ULK4: variants seen among roughly 807,000 people sequenced by gnomAD.
ULK4 encodes unc-51 like kinase 4, also known as inactive serine/threonine-protein kinase ULK4.
Under a neutral mutation model 160.6 loss-of-function variants are expected in ULK4, and 133 were observed. The observed-to-expected ratio is 0.83, with a 90% confidence interval of 0.72 to 0.96. The LOEUF (loss-of-function observed/expected upper bound fraction) is 0.96. Ranked by LOEUF, ULK4 falls within the 40% of genes least tolerant of loss-of-function variation. ULK4 has a pLI of 0.00. For missense variants in ULK4, 1,580 were observed against 1,499.5 expected, an observed-to-expected ratio of 1.05 and a Z score of -0.89; for synonymous variants, 534 against 539.8, an observed-to-expected ratio of 0.99 and a Z score of 0.15.
chr3:41,684,608 T>C (rs1252897459), intron 27 of ULK4, among the ~76,000 whole-genome samples: 1 of 152,090 alleles, frequency 6.6e-6, no homozygotes, highest in Non-Finnish European at 1.5e-5. Context: ...TGGGGATGAG[T>C]TCTGTCTTAA....
chr3:41,928,748 A>G (rs979933317), intron 5 of ULK4, among the ~76,000 whole-genome samples: 2 of 152,198 alleles, frequency 1.3e-5, no homozygotes, highest in Non-Finnish European at 2.9e-5. Flanking sequence ...GAAGAAATGG[A>G]TAAATTCCTG....
At chr3:41,288,623 G>T (rs1240070677) in intron 35 of ULK4, among the ~76,000 whole-genome samples, 1 of 152,140 alleles carries the variant, frequency 6.6e-6, no homozygotes, top group Non-Finnish European at 1.5e-5. Context: ...TATACAGCTG[G>T]ATTCTTCTAG....
chr3:41,556,299 T>G (rs1331311831), intron 32 of ULK4, among the ~76,000 whole-genome samples: 1 of 152,096 alleles, frequency 6.6e-6, no homozygotes, highest in Non-Finnish European at 1.5e-5. Context: ...AAAACAGAAT[T>G]GAAAGTGTGT....
At chr3:41,757,710 T>A (rs370901181) in intron 21 of ULK4, among the ~76,000 whole-genome samples, 1 of 150,136 alleles carries the variant, frequency 6.7e-6, no homozygotes, top group Non-Finnish European at 1.5e-5. Context: ...CTCGGCTCAC[T>A]GTAACCTCCC....
At chr3:41,484,606 C>T (rs954957894) in intron 32 of ULK4, among the ~76,000 whole-genome samples, 3 of 152,048 alleles carry the variant, frequency 2.0e-5, no homozygotes, top group African/African-American at 7.2e-5. Flanking sequence ...GCGCCCGCCA[C>T]CACACCCGGC....
intron 18 of ULK4, among the ~76,000 whole-genome samples, chr3:41,829,145 T>C (rs2041479263): frequency 1.3e-5 from 2 of 150,714 alleles, no homozygotes; most frequent in Admixed American, 1.3e-4. Flanking sequence ...AAAAATTAAT[T>C]CAAGATGGAT....
intron 17 of ULK4, chr3:41,859,459 C>A (rs2625667): frequency 0.22 from 123,538 of 552,562 alleles, 19,827 homozygotes; most frequent in African/African-American, 0.66. Context: ...ATAGCAGAAA[C>A]CTGGACAGGT....
intron 31 of ULK4, among the ~76,000 whole-genome samples, chr3:41,585,491 T>C (rs2030723704): frequency 6.6e-6 from 1 of 152,180 alleles, no homozygotes; most frequent in African/African-American, 2.4e-5. Flanking sequence ...GTTGAACTTT[T>C]ACCTTATACC....
chr3:41,843,911 T>A (rs1162649137), intron 17 of ULK4, among the ~76,000 whole-genome samples: 1 of 152,016 alleles, frequency 6.6e-6, no homozygotes, highest in African/African-American at 2.4e-5. Flanking sequence ...ACGTCCCCAC[T>A]AGATTAGCTA....
At chr3:41,710,124 G>T (rs1357543200) in intron 25 of ULK4, among the ~76,000 whole-genome samples, 1 of 151,846 alleles carries the variant, frequency 6.6e-6, no homozygotes, top group East Asian at 1.9e-4. Context: ...TATAAATAAA[G>T]CTTGTCTAAA....
intron 30 of ULK4, among the ~76,000 whole-genome samples, chr3:41,659,104 AT>A (rs996016684): frequency 1.3e-5 from 2 of 152,152 alleles, no homozygotes; most frequent in African/African-American, 4.8e-5. Flanking sequence ...AAACCTGTTT[AT>A]TTATTTATTT....
At chr3:41,939,594 C>G (rs1699887267) in intron 2 of ULK4, among the ~76,000 whole-genome samples, 1 of 151,940 alleles carries the variant, frequency 6.6e-6, no homozygotes, top group Admixed American at 6.6e-5. Context: ...ATTCTACAAT[C>G]TACTTTTAAA....
intron 35 of ULK4, among the ~76,000 whole-genome samples, chr3:41,352,676 C>T (rs532639693): frequency 6.6e-6 from 1 of 152,174 alleles, no homozygotes; most frequent in East Asian, 1.9e-4. Context: ...CCAGGACAGT[C>T]ACTTTTTGAT....
rs1175438495 is a variant in ULK4 at position 41,911,666 on chromosome 3, T to C, written c.897-7A>G. On this transcript the variant is annotated splice_polypyrimidine_tract_variant and splice_region_variant and intron_variant, in intron 9 of 36. Transcript: ENST00000301831. Reference sequence around the variant, plus strand: ...ACACTCCATAGTGTTTCTGCTATTATTGGAGAAAACCAACACAATCAAACT... The same window carrying C: ...ACACTCCATAGTGTTTCTGCTATTACTGGAGAAAACCAACACAATCAAACT... 9 of 1,604,794 alleles carry C rather than the reference T, an allele frequency of 5.6e-6. No individual in the cohort carries two copies. Among genetic ancestry groups the C allele is most frequent in the Middle Eastern group, 1.6e-4 (1 of 6,068 alleles).
rs568902791 is a variant in ULK4 at position 41,562,273 on chromosome 3, A to T, written c.3226+3752T>A. Among the ~76,000 whole-genome samples the T allele has an allele frequency of 5.7e-4, 87 of 152,312 alleles. 2 individuals are homozygous for T. The South Asian group carries it at 0.017, about 30-fold the overall frequency. Reference sequence around the variant, plus strand: ...TTCTACATTTGCTGAGGAGTGCTTTACTTCCAATTATGTGGTCAATTTTAG... The same window carrying T: ...TTCTACATTTGCTGAGGAGTGCTTTTCTTCCAATTATGTGGTCAATTTTAG... On this transcript the variant is annotated intron_variant, in intron 32 of 36. Coordinates refer to ENST00000301831, the MANE Select transcript of ULK4 (RefSeq NM_017886.4).
rs561357524 is a variant in ULK4 at position 41,706,367 on chromosome 3, A to T, written c.2635-1062T>A. The stretch of plus-strand genomic sequence containing the variant: ...CAAAATAATATATATATATTTATAT[A>T]TATATTTAATATATATATTTATATA... On this transcript the variant is annotated intron_variant, in intron 25 of 36. Coordinates refer to ENST00000301831, the MANE Select transcript of ULK4 (RefSeq NM_017886.4). Among the ~76,000 whole-genome samples, 16 of 146,328 alleles carry T rather than the reference A, an allele frequency of 1.1e-4. No homozygotes were observed. In the East Asian group the frequency reaches 2.7e-3, roughly 25 times the overall value.
chr3:41,523,797 T>C (rs569226956), intron 32 of ULK4, among the ~76,000 whole-genome samples: 1 of 152,228 alleles, frequency 6.6e-6, no homozygotes, highest in South Asian at 2.1e-4. Flanking sequence ...CTAAGACAAA[T>C]GAAAACATAT....
intron 5 of ULK4, among the ~76,000 whole-genome samples, chr3:41,925,669 G>A (rs1339223347): frequency 6.6e-6 from 1 of 152,206 alleles, no homozygotes; most frequent in Non-Finnish European, 1.5e-5. Context: ...AATTCTCGCT[G>A]TCAGCACAGC....
intron 35 of ULK4, among the ~76,000 whole-genome samples, chr3:41,326,314 T>C (rs1402304150): frequency 6.6e-6 from 1 of 152,226 alleles, no homozygotes; most frequent in African/African-American, 2.4e-5. Flanking sequence ...AATTTCATTA[T>C]TAACTGAAGT....
Sources: allele counts gnomAD v4.1 joint callset (sites outside exome capture counted in the v4.1 genomes callset), GRCh38; gene constraint gnomAD v4.1.1; transcripts MANE v1.5; gene names NCBI Gene and HGNC (gene_info 2026-07-23, HGNC 2026-07-21).